Variants in FHIT observed in about 807,000 individuals in gnomAD.
FHIT encodes fragile histidine triad diadenosine triphosphatase.
FHIT carries 19 observed loss-of-function variants against 17.9 expected under a neutral mutation model. That is an observed-to-expected ratio of 1.06 (90% CI 0.74 to 1.56). The LOEUF is 1.56. Ranked by LOEUF, FHIT falls within the 40% of genes most tolerant of loss-of-function variation. FHIT has a pLI of 0.00. For missense variants in FHIT, 248 were observed against 189.2 expected, an observed-to-expected ratio of 1.31 and a Z score of -1.82; for synonymous variants, 81 against 69.7, an observed-to-expected ratio of 1.16 and a Z score of -0.81.
At chr3:59,944,905 A>C (rs2107281965) in intron 7 of FHIT, among the ~76,000 whole-genome samples, 1 of 152,098 alleles carries the variant, frequency 6.6e-6, no homozygotes, top group South Asian at 2.1e-4. Context: ...TATTTAGTAC[A>C]TTTTCTTTGT....
At chr3:60,999,670 C>G (rs533889325) in intron 3 of FHIT, among the ~76,000 whole-genome samples, 7 of 151,740 alleles carry the variant, frequency 4.6e-5, no homozygotes, top group African/African-American at 1.7e-4. Flanking sequence ...AAAAGGAATT[C>G]TTTAGGGATC....
intron 1 of FHIT, among the ~76,000 whole-genome samples, chr3:61,224,284 T>G (rs1277938400): frequency 6.6e-6 from 1 of 152,220 alleles, no homozygotes; most frequent in Non-Finnish European, 1.5e-5. Flanking sequence ...TAATACTTCT[T>G]TGGAGTAGGG....
chr3:60,664,557 AT>A (rs556419107), intron 4 of FHIT, among the ~76,000 whole-genome samples: 13 of 150,236 alleles, frequency 8.7e-5, no homozygotes, highest in Non-Finnish European at 1.3e-4. Context: ...AATTGGCATT[AT>A]TTTTTTTTAA....
rs565548037 is a variant in FHIT at position 60,369,133 on chromosome 3, T to G, written c.103+167727A>C. On this transcript the variant is annotated intron_variant, in intron 5 of 9. Transcript: ENST00000492590. ...AATCACAGGTGTGCACCAACACGCC[T>G]TGCTAATTTTTTTATTTTTTGTAGA... Among the ~76,000 whole-genome samples, 151 of 149,882 alleles carry G rather than the reference T, an allele frequency of 1.0e-3. 1 individual carries two copies. Among genetic ancestry groups the G allele is most frequent in the African/African-American group, 3.1e-3 (127 of 41,204 alleles).
intron 2 of FHIT, among the ~76,000 whole-genome samples, chr3:61,079,827 C>T (rs1043772545): frequency 1.7e-4 from 26 of 152,232 alleles, no homozygotes; most frequent in Middle Eastern, 3.4e-3. Context: ...AGGTACATAC[C>T]ATACTCATAT....
At chr3:60,328,296 A>G (rs1709797139) in intron 5 of FHIT, among the ~76,000 whole-genome samples, 1 of 152,226 alleles carries the variant, frequency 6.6e-6, no homozygotes, top group Admixed American at 6.5e-5. Flanking sequence ...AAATCATTGT[A>G]TTAGTTCATT....
At position 60,480,333 on chromosome 3, in the gene FHIT, C is replaced by A. The variant is rs527423538; in HGVS notation, c.103+56527G>T. ...TCAAGAGGAGATTTGAATGGCAAGA[C>A]AGCCAAACCAAATCATTCCAGTGCT... On this transcript the variant is annotated intron_variant, in intron 5 of 9. Transcript: ENST00000492590. Among the ~76,000 whole-genome samples, 3 of 152,324 alleles carry A rather than the reference C, an allele frequency of 2.0e-5. No individual in the cohort carries two copies. The East Asian group carries it at 5.8e-4, about 30-fold the overall frequency.
In FHIT at chr3:59,918,793, C is replaced by G. The variant is rs181585511; in HGVS notation, c.348+3553G>C. Among the ~76,000 whole-genome samples, 551 of 152,256 alleles carry G rather than the reference C, an allele frequency of 3.6e-3. 2 individuals carry two copies. Among genetic ancestry groups the G allele is most frequent in the Non-Finnish European group, 5.7e-3 (385 of 68,036 alleles). The stretch of plus-strand genomic sequence containing the variant: ...CCTAGAGAATGAGCAATATGCCTAA[C>G]AGCATTCAAACTCATTAAAAAATAC... On this transcript the variant is annotated intron_variant, in intron 8 of 9. Coordinates refer to ENST00000492590, the MANE Select transcript of FHIT (RefSeq NM_002012.4).
intron 2 of FHIT, among the ~76,000 whole-genome samples, chr3:61,179,011 T>TTTC (rs1286026336): frequency 2.8e-4 from 39 of 141,358 alleles, no homozygotes; most frequent in African/African-American, 8.3e-4. Flanking sequence ...TCTTTTTCTT[T>TTTC]TTTTTTTTTT....
At chr3:61,161,756 C>T (rs2037701903) in intron 2 of FHIT, among the ~76,000 whole-genome samples, 1 of 152,182 alleles carries the variant, frequency 6.6e-6, no homozygotes, top group African/African-American at 2.4e-5. Flanking sequence ...TAAAAAGACT[C>T]TCTAGCTAGA....
intron 4 of FHIT, among the ~76,000 whole-genome samples, chr3:60,647,599 CT>C (rs782101141): frequency 5.3e-5 from 8 of 152,112 alleles, no homozygotes; most frequent in Non-Finnish European, 1.2e-4. Context: ...AAATAGTCCC[CT>C]GCTCAAAATA....
intron 4 of FHIT, among the ~76,000 whole-genome samples, chr3:60,619,709 A>G (rs1465751126): frequency 1.3e-5 from 2 of 152,112 alleles, no homozygotes; most frequent in East Asian, 3.9e-4. Flanking sequence ...GTAAAACCAT[A>G]GAACTCCTAG....
chr3:61,250,459 A>G (rs1479211028), intron 1 of FHIT, among the ~76,000 whole-genome samples: 1 of 152,148 alleles, frequency 6.6e-6, no homozygotes, highest in Non-Finnish European at 1.5e-5. Flanking sequence ...AAACTTTCAC[A>G]AGCATAACCT....
In FHIT at chr3:59,747,891, G is replaced by A. The variant is rs116606649; in HGVS notation, c.*1694C>T. On this transcript the variant is annotated 3_prime_UTR_variant, in exon 10 of 10. Coordinates refer to ENST00000492590, the MANE Select transcript of FHIT (RefSeq NM_002012.4). ...GGTTTAAGATCTGGCCTCCACTGCT[G>A]TTTCTCCAAAGTTGGGAGTCAGTCA... Among the ~76,000 whole-genome samples the A allele has an allele frequency of 4.6e-5, 7 of 152,234 alleles. No homozygotes were observed. The highest frequency in any genetic ancestry group is 1.7e-4 in the African/African-American group (7 of 41,566).
At chr3:59,788,933 C>A (rs536188461) in intron 8 of FHIT, among the ~76,000 whole-genome samples, 1 of 119,046 alleles carries the variant, frequency 8.4e-6, no homozygotes, top group Non-Finnish European at 1.6e-5. Context: ...CAGATCAATG[C>A]CTGAGACCAA....
At chr3:61,134,928 C>T (rs2036870470) in intron 2 of FHIT, among the ~76,000 whole-genome samples, 1 of 152,138 alleles carries the variant, frequency 6.6e-6, no homozygotes, top group Non-Finnish European at 1.5e-5. Context: ...TTCCCACAGA[C>T]GTCCAGGCTC....
At chr3:60,221,693 A>T (rs1438958010) in intron 5 of FHIT, among the ~76,000 whole-genome samples, 1 of 152,012 alleles carries the variant, frequency 6.6e-6, no homozygotes, top group African/African-American at 2.4e-5. Flanking sequence ...CATTCCAGTC[A>T]TTCCACACTT....
At chr3:59,948,658 A>C (rs1189790880) in intron 7 of FHIT, among the ~76,000 whole-genome samples, 1 of 152,160 alleles carries the variant, frequency 6.6e-6, no homozygotes, top group African/African-American at 2.4e-5. Flanking sequence ...TCATTTTAAA[A>C]ATTGTCCTAA....
Position 60,557,201 on chromosome 3 carries a change from T to C in FHIT, c.-17-20222A>G, listed in dbSNP as rs556057553. Among the ~76,000 whole-genome samples, 7 of 152,230 alleles carry C rather than the reference T, an allele frequency of 4.6e-5. No homozygotes were observed. The East Asian group carries it at 1.4e-3, about 29-fold the overall frequency. ...CAAAAGAAAACACTAAGAGTTTAAG[T>C]CCCTTGCCCAAGTACACACGGAAGC... On this transcript the variant is annotated intron_variant, in intron 4 of 9. Coordinates refer to ENST00000492590, the MANE Select transcript of FHIT (RefSeq NM_002012.4).
Sources: allele counts gnomAD v4.1 joint callset (sites outside exome capture counted in the v4.1 genomes callset), GRCh38; gene constraint gnomAD v4.1.1; transcripts MANE v1.5; gene names NCBI Gene and HGNC (gene_info 2026-07-23, HGNC 2026-07-21).